CCSER1: variants seen among roughly 807,000 people sequenced by gnomAD.
CCSER1 encodes coiled-coil serine rich protein 1, also known as serine-rich coiled-coil domain-containing protein 1.
A neutral mutation model predicts 82.0 loss-of-function variants in CCSER1; 41 were observed. The observed-to-expected ratio is 0.50, with a 90% confidence interval of 0.39 to 0.65. CCSER1 has a LOEUF of 0.65. CCSER1 is among the 30% of genes least tolerant of loss of function. The pLI is 0.00. For synonymous variants in CCSER1, 414 were observed against 383.9 expected (o/e 1.08, Z -0.92); for missense variants, 1,119 against 1,064.2 (o/e 1.05, Z -0.72).
Position 90,606,663 on chromosome 4 carries a change from A to G in CCSER1, c.1725-21362A>G, listed in dbSNP as rs1784751953. Among the ~76,000 whole-genome samples, 5 of 152,292 alleles carry G rather than the reference A, an allele frequency of 3.3e-5. No individual in the cohort carries two copies. The South Asian group carries it at 8.3e-4, about 25-fold the overall frequency. ...TTTGAAGTACTGTGCATCATTTCAT[A>G]GCAAATCTATGGCATGGATATGCAG... On this transcript the variant is annotated intron_variant, in intron 5 of 10. Transcript: ENST00000509176.
At chr4:91,339,966 A>G (rs1416946570) in intron 10 of CCSER1, among the ~76,000 whole-genome samples, 7 of 151,952 alleles carry the variant, frequency 4.6e-5, no homozygotes, top group African/African-American at 1.7e-4. Context: ...AAAATACAAA[A>G]ATTAGCCAGG....
rs1488171119 is a variant in CCSER1, at chr4:90,306,047, T to G, written c.-41-2197T>G. Reference sequence around the variant, plus strand: ...ACAACATGGATGAACCTGGAGGACATTATGCTCAATGAAATAACCTAGACA... The same window carrying G: ...ACAACATGGATGAACCTGGAGGACAGTATGCTCAATGAAATAACCTAGACA... On this transcript the variant is annotated intron_variant, in intron 1 of 10. Transcript: ENST00000509176. Among the ~76,000 whole-genome samples the G allele has an allele frequency of 2.6e-5, 4 of 152,186 alleles. No individual in the cohort carries two copies. In the East Asian group the frequency reaches 7.7e-4, roughly 29 times the overall value.
intron 10 of CCSER1, among the ~76,000 whole-genome samples, chr4:91,423,950 T>C (rs2149386065): frequency 6.7e-6 from 1 of 149,954 alleles, no homozygotes; most frequent in South Asian, 2.1e-4. Flanking sequence ...AGGAAACCTA[T>C]GTAAGGAAAT....
intron 7 of CCSER1, among the ~76,000 whole-genome samples, chr4:90,769,025 G>A (rs1054270363): frequency 1.3e-4 from 19 of 151,980 alleles, no homozygotes; most frequent in African/African-American, 4.6e-4. Context: ...GAAAGTGAGG[G>A]TATACATAAA....
intron 10 of CCSER1, among the ~76,000 whole-genome samples, chr4:91,260,065 AG>A (rs1379823341): frequency 2.4e-4 from 37 of 152,328 alleles, no homozygotes; most frequent in African/African-American, 8.9e-4. Context: ...GAGGGACAAA[AG>A]TCAAAATTAA....
chr4:90,939,871 A>G (rs12645993), intron 9 of CCSER1, among the ~76,000 whole-genome samples: 15,536 of 152,086 alleles, frequency 0.1, 1,259 homozygotes, highest in East Asian at 0.33. Flanking sequence ...TAAAATACAA[A>G]AACATTTTTT....
At chr4:91,536,384 A>G (rs1761296113) in intron 10 of CCSER1, among the ~76,000 whole-genome samples, 1 of 152,106 alleles carries the variant, frequency 6.6e-6, no homozygotes, top group Non-Finnish European at 1.5e-5. Flanking sequence ...TGATAGAGAG[A>G]GAGAGATAGG....
At chr4:90,359,238 A>G (rs1194854881) in intron 3 of CCSER1, among the ~76,000 whole-genome samples, 2 of 152,214 alleles carry the variant, frequency 1.3e-5, no homozygotes, top group African/African-American at 4.8e-5. Context: ...AAAGGGGAGT[A>G]ATGTTAATAT....
chr4:90,304,419 C>T (rs1684893226), intron 1 of CCSER1, among the ~76,000 whole-genome samples: 1 of 152,130 alleles, frequency 6.6e-6, no homozygotes, highest in South Asian at 2.1e-4. Context: ...CAATGATAGA[C>T]TGGATTAAGA....
At chr4:90,367,807 C>G (rs540419527) in intron 3 of CCSER1, among the ~76,000 whole-genome samples, 10 of 151,832 alleles carry the variant, frequency 6.6e-5, no homozygotes, top group African/African-American at 2.4e-4. Context: ...GTAAAAAGGA[C>G]AAACTAGATG....
chr4:90,959,912 T>G (rs1733897866), intron 9 of CCSER1, among the ~76,000 whole-genome samples: 1 of 152,290 alleles, frequency 6.6e-6, no homozygotes, highest in Admixed American at 6.5e-5. Flanking sequence ...CTTTCCACGT[T>G]ACTGCGTCTG....
chr4:90,584,013 A>C lies in CCSER1; in HGVS notation c.1725-44012A>C, dbSNP rs187374943. On this transcript the variant is annotated intron_variant, in intron 5 of 10. Coordinates refer to ENST00000509176, the MANE Select transcript of CCSER1 (RefSeq NM_001145065.2). ...GATTATAATTGTGCATATTAATTCA[A>C]ATGTCACGGTGGTATGCAGAACTCT... 2.6e-5 allele frequency among the ~76,000 whole-genome samples: 4 copies of C among 152,304 alleles called. No homozygotes were observed. In the East Asian group the frequency reaches 5.8e-4, roughly 22 times the overall value.
intron 5 of CCSER1, among the ~76,000 whole-genome samples, chr4:90,556,997 G>A (rs911621843): frequency 6.6e-6 from 1 of 151,420 alleles, no homozygotes; most frequent in African/African-American, 2.4e-5. Context: ...TTGTTTTTTT[G>A]ATATATAATT....
intron 8 of CCSER1, among the ~76,000 whole-genome samples, chr4:90,886,655 G>A (rs1468030528): frequency 6.6e-6 from 1 of 152,058 alleles, no homozygotes. Flanking sequence ...TTAATCCTCA[G>A]AACAGTACTA....
At chr4:90,733,271 T>A (rs556148993) in intron 7 of CCSER1, among the ~76,000 whole-genome samples, 1 of 152,354 alleles carries the variant, frequency 6.6e-6, no homozygotes, top group East Asian at 1.9e-4. Context: ...GATTTGCATT[T>A]CTCTGATGAT....
chr4:90,812,514 T>C (rs1183444762), intron 7 of CCSER1, among the ~76,000 whole-genome samples: 1 of 152,178 alleles, frequency 6.6e-6, no homozygotes, highest in African/African-American at 2.4e-5. Flanking sequence ...AAGGCACAAT[T>C]GTTACAGGGA....
At chr4:90,466,173 T>C (rs1356457748) in intron 4 of CCSER1, among the ~76,000 whole-genome samples, 2 of 152,236 alleles carry the variant, frequency 1.3e-5, no homozygotes, top group Admixed American at 6.5e-5. Flanking sequence ...ATAAGTTGAC[T>C]TTCAGTTAAT....
intron 4 of CCSER1, among the ~76,000 whole-genome samples, chr4:90,452,490 A>G: frequency 6.6e-6 from 1 of 152,208 alleles, no homozygotes; most frequent in East Asian, 1.9e-4. Flanking sequence ...TTGCAAAGCT[A>G]CCACTGCAAC....
chr4:90,603,663 G>A (rs73833299), intron 5 of CCSER1, among the ~76,000 whole-genome samples: 3,916 of 152,168 alleles, frequency 0.026, 105 homozygotes, highest in African/African-American at 0.059. Context: ...TCTCCCTTTT[G>A]GCACATGTGG....
Sources: gnomAD v4.1 joint callset for allele counts (sites outside exome capture counted in the v4.1 genomes callset) on GRCh38, gnomAD v4.1.1 for gene constraint, MANE v1.5 for transcripts, NCBI Gene and HGNC (gene_info 2026-07-23, HGNC 2026-07-21) for gene names.